The following SSBP3 variants were observed in gnomAD, a reference collection of about 807,000 sequenced individuals.
SSBP3 encodes the protein single-stranded DNA-binding protein 3.
Under a neutral mutation model 69.6 loss-of-function variants are expected in SSBP3, and 5 were observed. That is an observed-to-expected ratio of 0.07 (90% CI 0.04 to 0.15). The LOEUF (loss-of-function observed/expected upper bound fraction) is 0.15, where lower values mean the gene tolerates loss of function less well. Ranked by LOEUF, SSBP3 falls within the 10% of genes least tolerant of loss-of-function variation. The pLI is 1.00. For missense variants in SSBP3, 312 were observed against 534.0 expected (o/e 0.58, Z 4.10); for synonymous variants, 196 against 193.4 (o/e 1.01, Z -0.11).
chr1:54,238,941 C>T (rs1469577272), intron 14 of SSBP3, 188 bp downstream of exon 14: 10 of 431,136 alleles, frequency 2.3e-5, no homozygotes, highest in Non-Finnish European at 3.6e-5. Flanking sequence ...CCTTCCTCTC[C>T]CACCCCCTGC....
chr1:54,312,601 T>C (rs371666803), intron 4 of SSBP3, among the ~76,000 whole-genome samples: 3 of 151,960 alleles, frequency 2.0e-5, no homozygotes, highest in East Asian at 3.9e-4. Flanking sequence ...CCAGAGAACA[T>C]GTCCTGTACA....
chr1:54,410,625 A>G (rs1649963603), upstream of SSBP3, among the ~76,000 whole-genome samples: 2 of 152,220 alleles, frequency 1.3e-5, no homozygotes, highest in African/African-American at 2.4e-5. Flanking sequence ...AGTTTCCCTG[A>G]GGGATCGGGG....
At chr1:54,397,581 C>T (rs1648985900) in intron 4 of SSBP3, among the ~76,000 whole-genome samples, 1 of 152,090 alleles carries the variant, frequency 6.6e-6, no homozygotes, top group Non-Finnish European at 1.5e-5. Flanking sequence ...GCCAGGGAGC[C>T]AGCCTCACTG....
intron 4 of SSBP3, among the ~76,000 whole-genome samples, chr1:54,349,418 A>G (rs1230322013): frequency 1.3e-5 from 2 of 152,260 alleles, no homozygotes; most frequent in Non-Finnish European, 2.9e-5. Context: ...AGATGCAGAA[A>G]TATCAAAACT....
At chr1:54,272,307 C>G (rs202135538) in intron 5 of SSBP3, among the ~76,000 whole-genome samples, 2 of 152,056 alleles carry the variant, frequency 1.3e-5, no homozygotes, top group East Asian at 3.9e-4. Context: ...AGGGCAGTGC[C>G]TGGGCCCAGA....
At chr1:54,277,569 C>T (rs573331836) in intron 5 of SSBP3, among the ~76,000 whole-genome samples, 6 of 152,290 alleles carry the variant, frequency 3.9e-5, no homozygotes, top group African/African-American at 1.4e-4. Context: ...TCTCACTTTC[C>T]CAATCTGCAT....
chr1:54,337,329 C>A (rs778995769), intron 4 of SSBP3, among the ~76,000 whole-genome samples: 6 of 152,070 alleles, frequency 3.9e-5, no homozygotes, highest in South Asian at 2.1e-4. Flanking sequence ...GCTGGTTTAA[C>A]CCTTGCTTTG....
upstream of SSBP3, among the ~76,000 whole-genome samples, chr1:54,410,101 A>T (rs1265206384): frequency 6.6e-6 from 1 of 152,210 alleles, no homozygotes; most frequent in South Asian, 2.1e-4. Flanking sequence ...GGGAATGATC[A>T]TCATTTTCTG....
At chr1:54,400,531 AC>A (rs1403011596) in intron 4 of SSBP3, among the ~76,000 whole-genome samples, 1 of 151,836 alleles carries the variant, frequency 6.6e-6, no homozygotes. Context: ...ACCGGTGGTG[AC>A]CTCTCCCTTT....
chr1:54,402,487 T>A (rs1444925741), intron 3 of SSBP3, among the ~76,000 whole-genome samples: 1 of 152,064 alleles, frequency 6.6e-6, no homozygotes, highest in Non-Finnish European at 1.5e-5. Flanking sequence ...AGGCTCTTAA[T>A]CCCAGAGCCC....
At chr1:54,227,438 G>A (rs1412571399) in intron 17 of SSBP3, among the ~76,000 whole-genome samples, 3 of 151,996 alleles carry the variant, frequency 2.0e-5, no homozygotes, top group Non-Finnish European at 4.4e-5. Context: ...TCCTGCCCCT[G>A]TCTGAGTCAT....
Position 54,228,482 on chromosome 1 carries a change from A to G in SSBP3, c.1007-5T>C, listed in dbSNP as rs771007733. On this transcript the variant is annotated splice_polypyrimidine_tract_variant and splice_region_variant and intron_variant, in intron 15 of 17. Coordinates refer to ENST00000610401, the Ensembl canonical transcript of SSBP3. ...GTCCGTCTATGTCGCCTGACCCTGGAAAGAAAAAATAATCCAATTCAGTTT... is the reference window on the plus strand; with the variant it reads ...GTCCGTCTATGTCGCCTGACCCTGGGAAGAAAAAATAATCCAATTCAGTTT... The G allele has an allele frequency of 7.4e-6, 12 of 1,614,078 alleles. No homozygotes were observed. In the Admixed American group the frequency reaches 1.0e-4, roughly 13 times the overall value.
intron 4 of SSBP3, among the ~76,000 whole-genome samples, chr1:54,331,203 A>C (rs887181013): frequency 2.6e-5 from 4 of 152,186 alleles, no homozygotes; most frequent in African/African-American, 9.7e-5. Flanking sequence ...GGAGAGACAA[A>C]GGCGCATTGT....
upstream of SSBP3, among the ~76,000 whole-genome samples, chr1:54,408,590 G>T (rs1229274766): frequency 6.6e-6 from 1 of 152,206 alleles, no homozygotes; most frequent in Non-Finnish European, 1.5e-5. Flanking sequence ...GATTGGCCAT[G>T]CCCTTATCAA....
intron 14 of SSBP3, chr1:54,236,426 A>T (rs1428887059): frequency 6.6e-6 from 1 of 151,952 alleles, no homozygotes; most frequent in South Asian, 2.1e-4. Context: ...CAGCCTATGT[A>T]TTTTTTATTT....
At chr1:54,285,462 T>C (rs978967737) in intron 4 of SSBP3, 3 of 152,154 alleles carry the variant, frequency 2.0e-5, no homozygotes, top group African/African-American at 7.2e-5. Flanking sequence ...AGCAGGTGTA[T>C]TAGCAGGATC....
At chr1:54,405,976 G>T in exon 1 of SSBP3, 1 of 1,472,948 alleles carries the variant, frequency 6.8e-7, no homozygotes, top group Non-Finnish European at 9.1e-7. Context: ...GCCCATCCGA[G>T]GGCACCGCCG....
chr1:54,240,466 A>AG (rs1369366471), intron 13 of SSBP3, among the ~76,000 whole-genome samples: 1 of 38,954 alleles, frequency 2.6e-5, no homozygotes, highest in Non-Finnish European at 5.0e-5. Context: ...AAAAAAGAAA[A>AG]AAAAAAGGGG....
intron 4 of SSBP3, among the ~76,000 whole-genome samples, chr1:54,369,251 A>G (rs1163855065): frequency 8.5e-6 from 1 of 118,074 alleles, no homozygotes; most frequent in Admixed American, 1.1e-4. Context: ...TCCCTGGGAA[A>G]GGCGAGGGTT....
Sources: allele counts gnomAD v4.1 joint callset (sites outside exome capture counted in the v4.1 genomes callset), GRCh38; gene constraint gnomAD v4.1.1; transcripts MANE v1.5; gene names NCBI Gene and HGNC (gene_info 2026-07-23, HGNC 2026-07-21).